TMEM63C: variants seen among roughly 807,000 people sequenced by gnomAD.
TMEM63C encodes osmosensitive cation channel TMEM63C.
TMEM63C carries 32 observed loss-of-function variants against 99.2 expected under a neutral mutation model. The ratio of observed to expected loss-of-function variants is 0.32; its 90% CI spans 0.24 to 0.43. TMEM63C has a LOEUF of 0.43. Ranked by LOEUF, TMEM63C falls within the 20% of genes least tolerant of loss-of-function variation. TMEM63C has a pLI of 1.00. For synonymous variants in TMEM63C, 376 were observed against 397.9 expected, an observed-to-expected ratio of 0.94 and a Z score of 0.66; for missense variants, 826 against 1,053.0, an observed-to-expected ratio of 0.78 and a Z score of 2.98.
chr14:77,206,878 G>GT (rs1229845245), intron 1 of TMEM63C, among the ~76,000 whole-genome samples: 1 of 145,150 alleles, frequency 6.9e-6, no homozygotes, highest in Non-Finnish European at 1.5e-5. Context: ...TATAATTTTA[G>GT]TTTTTTTCTT....
intron 1 of TMEM63C, among the ~76,000 whole-genome samples, chr14:77,188,655 C>T (rs1197302974): frequency 6.6e-6 from 1 of 152,028 alleles, no homozygotes; most frequent in East Asian, 1.9e-4. Flanking sequence ...ATTGCTTGAG[C>T]CCAGGAGTTT....
intron 1 of TMEM63C, among the ~76,000 whole-genome samples, chr14:77,189,059 A>G (rs1026270270): frequency 6.6e-6 from 1 of 152,198 alleles, no homozygotes; most frequent in African/African-American, 2.4e-5. Flanking sequence ...ATGTTGCAAA[A>G]AAAGGAAATT....
chr14:77,255,626 A>G (rs899548106), intron 23 of TMEM63C, among the ~76,000 whole-genome samples: 1 of 152,238 alleles, frequency 6.6e-6, no homozygotes. Context: ...CAAGTTCAAC[A>G]TGGGGCTAGA....
At chr14:77,241,596 A>C (rs1222865588) in intron 13 of TMEM63C, among the ~76,000 whole-genome samples, 1 of 152,272 alleles carries the variant, frequency 6.6e-6, no homozygotes, top group Non-Finnish European at 1.5e-5. Context: ...AACTACCTAG[A>C]TTTTGCTCAC....
chr14:77,232,267 T>TTA, intron 7 of TMEM63C, among the ~76,000 whole-genome samples: 1 of 133,284 alleles, frequency 7.5e-6, no homozygotes. Flanking sequence ...ATATGTTATT[T>TTA]TATTTTATAT....
At chr14:77,250,545 T>A (rs528508723) in intron 21 of TMEM63C, among the ~76,000 whole-genome samples, 2,005 of 150,564 alleles carry the variant, frequency 0.013, 27 homozygotes, top group Non-Finnish European at 0.022. Context: ...GTTAAAGCTA[T>A]TCTCCTGCCT....
At chr14:77,240,663 A>G in intron 13 of TMEM63C, 55 bp downstream of exon 13, 2 of 1,579,110 alleles carry the variant, frequency 1.3e-6, no homozygotes, top group Admixed American at 1.7e-5. Flanking sequence ...GCTTCTCGGC[A>G]CTCTCCTCCC....
At chr14:77,194,719 G>A (rs8009449) in intron 1 of TMEM63C, among the ~76,000 whole-genome samples, 17,857 of 145,982 alleles carry the variant, frequency 0.12, 1,899 homozygotes, top group African/African-American at 0.3. Flanking sequence ...GACTACAGGC[G>A]GACACCACCA....
At chr14:77,228,874 T>C (rs1345878905) in intron 6 of TMEM63C, among the ~76,000 whole-genome samples, 1 of 152,104 alleles carries the variant, frequency 6.6e-6, no homozygotes, top group Non-Finnish European at 1.5e-5. Context: ...GATGCTAGTT[T>C]TGCATACAAC....
chr14:77,245,070 C>T (rs1043083869), intron 16 of TMEM63C, among the ~76,000 whole-genome samples: 2 of 152,236 alleles, frequency 1.3e-5, no homozygotes, highest in Non-Finnish European at 2.9e-5. Flanking sequence ...CCAAAAGTTC[C>T]TACTATTCCA....
chr14:77,224,097 G>A (rs1888773931), intron 5 of TMEM63C, among the ~76,000 whole-genome samples: 2 of 152,010 alleles, frequency 1.3e-5, no homozygotes, highest in Admixed American at 1.3e-4. Context: ...GGGCATAGCT[G>A]GAGGAATGTC....
At chr14:77,219,081 C>T in intron 3 of TMEM63C, 118 bp downstream of exon 3, 1 of 1,203,306 alleles carries the variant, frequency 8.3e-7, no homozygotes. Context: ...TTGATACAAA[C>T]TGCCTGAATG....
Position 77,234,459 on chromosome 14 carries a change from C to T in TMEM63C, c.542+959C>T, listed in dbSNP as rs1045940854. Among the ~76,000 whole-genome samples the T allele has an allele frequency of 2.6e-5, 4 of 152,152 alleles. No individual in the cohort carries two copies. The South Asian group carries it at 8.3e-4, about 32-fold the overall frequency. On this transcript the variant is annotated intron_variant, in intron 8 of 23. Coordinates refer to ENST00000298351, the MANE Select transcript of TMEM63C (RefSeq NM_020431.4). ...GCCCGAGGTACCTACATCTTCCCAA[C>T]AAAAAGTGAATTCTAGTAGAACAGC...
chr14:77,239,407 T>G lies in TMEM63C; in HGVS notation c.726-5T>G, dbSNP rs750735138. ...CCGACTCAGCACCCATGTTTGTGGC[T>G]GCAGCGAGGCCTATCCAGGCAGTGT... On this transcript the variant is annotated splice_region_variant and splice_polypyrimidine_tract_variant and intron_variant, in intron 10 of 23. Coordinates refer to ENST00000298351, the MANE Select transcript of TMEM63C (RefSeq NM_020431.4). The G allele has an allele frequency of 1.2e-6, 2 of 1,613,400 alleles. No homozygotes were observed. The highest frequency in any genetic ancestry group is 1.7e-6 in the Non-Finnish European group (2 of 1,179,800).
At chr14:77,223,172 C>T (rs1434155437) in intron 5 of TMEM63C, among the ~76,000 whole-genome samples, 1 of 151,750 alleles carries the variant, frequency 6.6e-6, no homozygotes, top group Non-Finnish European at 1.5e-5. Context: ...CAAGGTGGCT[C>T]GCAGGTTTAT....
At chr14:77,199,274 G>A (rs1365306615) in intron 1 of TMEM63C, among the ~76,000 whole-genome samples, 1 of 152,160 alleles carries the variant, frequency 6.6e-6, no homozygotes, top group East Asian at 1.9e-4. Flanking sequence ...TCTAGGATAG[G>A]AGCAAAATCT....
At chr14:77,206,956 T>C (rs1888412868) in intron 1 of TMEM63C, among the ~76,000 whole-genome samples, 1 of 152,166 alleles carries the variant, frequency 6.6e-6, no homozygotes, top group African/African-American at 2.4e-5. Flanking sequence ...TATTTCCTAT[T>C]TTACCTTTTT....
At chr14:77,238,141 T>G (rs1278673280) in intron 9 of TMEM63C, among the ~76,000 whole-genome samples, 1 of 152,128 alleles carries the variant, frequency 6.6e-6, no homozygotes, top group African/African-American at 2.4e-5. Flanking sequence ...GGAAGATATT[T>G]CCCATTCACA....
chr14:77,227,554 T>C (rs1397484816), intron 6 of TMEM63C, among the ~76,000 whole-genome samples: 2 of 152,130 alleles, frequency 1.3e-5, no homozygotes, highest in African/African-American at 4.8e-5. Flanking sequence ...AGATGGTGCA[T>C]GGAGGCTGTA....
Sources: allele counts gnomAD v4.1 joint callset (sites outside exome capture counted in the v4.1 genomes callset), GRCh38; gene constraint gnomAD v4.1.1; transcripts MANE v1.5; gene names NCBI Gene and HGNC (gene_info 2026-07-23, HGNC 2026-07-21).